The following SLC24A3 variants were observed in gnomAD, a reference collection of about 807,000 sequenced individuals.
The protein encoded by SLC24A3 is solute carrier family 24 member 3, also known as sodium/potassium/calcium exchanger 3.
Under a neutral mutation model 75.8 loss-of-function variants are expected in SLC24A3, and 28 were observed. The observed-to-expected ratio is 0.37, with a 90% confidence interval of 0.27 to 0.51. SLC24A3 has a LOEUF of 0.51. Ranked by LOEUF, SLC24A3 falls within the 20% of genes least tolerant of loss-of-function variation. SLC24A3 has a pLI of 0.94. For synonymous variants in SLC24A3, 372 were observed against 334.1 expected, an observed-to-expected ratio of 1.11 and a Z score of -1.24; for missense variants, 663 against 847.8, an observed-to-expected ratio of 0.78 and a Z score of 2.71.
intron 6 of SLC24A3, among the ~76,000 whole-genome samples, chr20:19,651,192 T>C (rs2032197704): frequency 6.6e-6 from 1 of 151,948 alleles, no homozygotes; most frequent in African/African-American, 2.4e-5. Context: ...AAAGGACACA[T>C]AGGAGGCAAA....
chr20:19,423,266 C>A (rs886639242), intron 2 of SLC24A3, among the ~76,000 whole-genome samples: 1 of 152,182 alleles, frequency 6.6e-6, no homozygotes, highest in Admixed American at 6.5e-5. Context: ...GGGCTGAGCT[C>A]AGAAGGGGCC....
chr20:19,244,845 G>A lies in SLC24A3; in HGVS notation c.142+31861G>A, dbSNP rs6112272. ...TTAGAAGCAGGTGAGAGATATCCTT[G>A]GAGCTGTAAATAAAGAGGAAGCTGA... On this transcript the variant is annotated intron_variant, in intron 1 of 16. Coordinates refer to ENST00000328041, the MANE Select transcript of SLC24A3 (RefSeq NM_020689.4). 3.5e-3 allele frequency among the ~76,000 whole-genome samples: 537 copies of A among 152,266 alleles called. 5 individuals are homozygous for A. Among genetic ancestry groups the A allele is most frequent in the African/African-American group, 0.012 (510 of 41,534 alleles).
chr20:19,593,346 C>A (rs566066305), intron 6 of SLC24A3, among the ~76,000 whole-genome samples: 2 of 152,296 alleles, frequency 1.3e-5, no homozygotes, highest in Admixed American at 6.5e-5. Flanking sequence ...ACTGGGCATC[C>A]AGGCCCCTCT....
intron 2 of SLC24A3, among the ~76,000 whole-genome samples, chr20:19,490,494 C>A (rs1422187300): frequency 1.3e-5 from 2 of 152,170 alleles, no homozygotes; most frequent in Non-Finnish European, 1.5e-5. Context: ...GCATCATTAA[C>A]CACCTAAAAT....
In SLC24A3 at chr20:19,374,753, C is replaced by G. The variant is rs186254453; in HGVS notation, c.271+93666C>G. On this transcript the variant is annotated intron_variant, in intron 2 of 16. Transcript: ENST00000328041. The stretch of plus-strand genomic sequence containing the variant: ...GCAGCAGAACATGGATTCATAGGCT[C>G]TCATGGCCCTGATCATATTCTTCAC... Among the ~76,000 whole-genome samples, 665 of 152,304 alleles carry G rather than the reference C, an allele frequency of 4.4e-3. 14 individuals are homozygous for G. The highest frequency in any genetic ancestry group is 0.023 in the Admixed American group (356 of 15,300).
chr20:19,402,370 T>C (rs1422568531), intron 2 of SLC24A3, among the ~76,000 whole-genome samples: 1 of 152,162 alleles, frequency 6.6e-6, no homozygotes, highest in East Asian at 1.9e-4. Flanking sequence ...ATTAGAACTA[T>C]TATTTAGCAG....
At chr20:19,639,449 G>A (rs1485375799) in intron 6 of SLC24A3, among the ~76,000 whole-genome samples, 1 of 152,218 alleles carries the variant, frequency 6.6e-6, no homozygotes, top group East Asian at 1.9e-4. Context: ...GGTGCTGATT[G>A]GTGTATTTAC....
At chr20:19,474,787 C>T (rs1022844196) in intron 2 of SLC24A3, among the ~76,000 whole-genome samples, 2 of 152,180 alleles carry the variant, frequency 1.3e-5, no homozygotes, top group African/African-American at 4.8e-5. Flanking sequence ...TACAGCATCT[C>T]ATTACTACCA....
At chr20:19,297,230 A>G (rs73284622) in intron 2 of SLC24A3, among the ~76,000 whole-genome samples, 3,061 of 152,250 alleles carry the variant, frequency 0.02, 40 homozygotes, top group African/African-American at 0.031. Flanking sequence ...GTGTTGTTAG[A>G]TCATGTATAT....
At chr20:19,338,256 T>A (rs1254176746) in intron 2 of SLC24A3, among the ~76,000 whole-genome samples, 1 of 152,232 alleles carries the variant, frequency 6.6e-6, no homozygotes, top group Non-Finnish European at 1.5e-5. Flanking sequence ...GCAGAGCCTC[T>A]GACATGGCAG....
rs1329579651 is a variant in SLC24A3 at position 19,567,350 on chromosome 20, A to G, written c.349-12650A>G. 5.9e-5 allele frequency among the ~76,000 whole-genome samples: 9 copies of G among 152,242 alleles called. No individual in the cohort carries two copies. In the East Asian group the frequency reaches 1.7e-3, roughly 29 times the overall value. On this transcript the variant is annotated intron_variant, in intron 3 of 16. Transcript: ENST00000328041. ...ATGGAATTCTACACAGCCATAAAAA[A>G]GAATGAGGTCATGTCCTTTGTAGCA...
chr20:19,582,017 A>G (rs988338968), intron 4 of SLC24A3, among the ~76,000 whole-genome samples: 21 of 152,246 alleles, frequency 1.4e-4, no homozygotes, highest in African/African-American at 4.8e-4. Flanking sequence ...TGGAAAGACA[A>G]TGTTGGCTCC....
intron 3 of SLC24A3, among the ~76,000 whole-genome samples, chr20:19,553,461 G>A (rs2030734248): frequency 6.6e-6 from 1 of 152,174 alleles, no homozygotes; most frequent in South Asian, 2.1e-4. Context: ...GTATGGAAGG[G>A]TAGAATGACC....
chr20:19,229,021 C>T (rs1981944165), intron 1 of SLC24A3, among the ~76,000 whole-genome samples: 1 of 152,142 alleles, frequency 6.6e-6, no homozygotes, highest in Non-Finnish European at 1.5e-5. Context: ...TATAGTGCTG[C>T]CTGCCTTACA....
intron 5 of SLC24A3, 36 bp downstream of exon 5, chr20:19,585,091 C>G (rs1390955619): frequency 1.3e-6 from 2 of 1,559,806 alleles, no homozygotes; most frequent in Non-Finnish European, 1.8e-6. Flanking sequence ...CAGACCTTCA[C>G]TGTCTGAAGG....
intron 12 of SLC24A3, among the ~76,000 whole-genome samples, chr20:19,688,155 G>A (rs1386755701): frequency 6.6e-6 from 1 of 152,122 alleles, no homozygotes; most frequent in African/African-American, 2.4e-5. Flanking sequence ...TTAATGAAAT[G>A]CACGTTCTGA....
intron 11 of SLC24A3, among the ~76,000 whole-genome samples, chr20:19,684,858 C>T (rs1319023945): frequency 1.3e-5 from 2 of 152,204 alleles, no homozygotes; most frequent in Admixed American, 6.5e-5. Context: ...TGCACATCCC[C>T]TAAGAACTTT....
chr20:19,684,251 C>T lies in SLC24A3; in HGVS notation c.977C>T (p.Ser326Phe), dbSNP rs1243846236. The change falls in exon 11 of 17, where the codon TCT becomes TTT. Residue 326 changes from serine to phenylalanine, a missense_variant. Around this residue, in one of 2 missense-constraint regions of SLC24A3, gnomAD observed 510 missense variants for 703.6 expected, o/e 0.72. Transcript: ENST00000328041. ...GCCTACCCACACCAGCTTTCCTTCT[C>T]TGAGGCTGGCCTTCGAATCATGATA... is the stretch of plus-strand genomic sequence containing the variant. ...LSAYPHQLSFSEAGLRIMITS... is the reference protein window; with the variant it reads ...LSAYPHQLSFFEAGLRIMITS... 6.8e-6 allele frequency: 11 copies of T among 1,614,184 alleles called. No individual in the cohort carries two copies. The highest frequency in any genetic ancestry group is 9.3e-6 in the Non-Finnish European group (11 of 1,180,038).
At chr20:19,697,770 G>C (rs1281680075) in intron 14 of SLC24A3, among the ~76,000 whole-genome samples, 5 of 152,216 alleles carry the variant, frequency 3.3e-5, no homozygotes, top group Non-Finnish European at 7.3e-5. Flanking sequence ...AGAAGGACTG[G>C]AGACAGTACA....
Sources: gnomAD v4.1 joint callset for allele counts (sites outside exome capture counted in the v4.1 genomes callset) on GRCh38, gnomAD v4.1.1 for gene constraint, gnomAD v4.1.1 regional missense constraint, MANE v1.5 for transcripts, NCBI Gene and HGNC (gene_info 2026-07-23, HGNC 2026-07-21) for gene names.